The following PTPRD variants were observed in gnomAD, a reference collection of about 807,000 sequenced individuals.
PTPRD encodes the protein protein tyrosine phosphatase receptor type D.
In PTPRD, 34 loss-of-function variants were observed where a neutral mutation model predicts 214.5. That is an observed-to-expected ratio of 0.16 (90% CI 0.12 to 0.21). The LOEUF (loss-of-function observed/expected upper bound fraction) is 0.21. Among genes scored for constraint, PTPRD ranks in the 10% least tolerant of loss-of-function variants. The pLI, the probability that PTPRD is intolerant of heterozygous loss-of-function variation, is 1.00. For synonymous variants in PTPRD, 1,128 were observed against 845.7 expected, an observed-to-expected ratio of 1.33 and a Z score of -5.79; for missense variants, 2,545 against 2,398.7, an observed-to-expected ratio of 1.06 and a Z score of -1.27.
chr9:9,941,660 G>A (rs2091481834), intron 4 of PTPRD, among the ~76,000 whole-genome samples: 1 of 152,138 alleles, frequency 6.6e-6, no homozygotes, highest in African/African-American at 2.4e-5. Flanking sequence ...CACAATGTAA[G>A]GAAAGGGTTC....
At chr9:8,564,275 C>G (rs188683817) in intron 14 of PTPRD, among the ~76,000 whole-genome samples, 1 of 152,234 alleles carries the variant, frequency 6.6e-6, no homozygotes, top group South Asian at 2.1e-4. Context: ...ACATATTAAA[C>G]GCATTTTTGA....
intron 2 of PTPRD, among the ~76,000 whole-genome samples, chr9:10,573,595 G>A (rs1326350253): frequency 2.0e-5 from 3 of 152,132 alleles, no homozygotes; most frequent in Non-Finnish European, 4.4e-5. Flanking sequence ...GGAAGGCATT[G>A]AGAGCAGATG....
intron 8 of PTPRD, among the ~76,000 whole-genome samples, chr9:9,570,656 A>C (rs2086087402): frequency 6.6e-6 from 1 of 151,542 alleles, no homozygotes; most frequent in Non-Finnish European, 1.5e-5. Flanking sequence ...TTTGTGTTTT[A>C]CCTTTGTTCT....
rs542817331 is a variant in PTPRD, at chr9:9,052,943, C to T, written c.-142-34208G>A. On this transcript the variant is annotated intron_variant, in intron 10 of 45. Transcript: ENST00000381196. ...TAACTATCTACAGCAAATAATTTTACGTACTGAAACATTCTGGCTAACTTA... is the reference window on the plus strand; with the variant it reads ...TAACTATCTACAGCAAATAATTTTATGTACTGAAACATTCTGGCTAACTTA... Among the ~76,000 whole-genome samples, 15 of 152,250 alleles carry T rather than the reference C, an allele frequency of 9.9e-5. No individual in the cohort carries two copies. The South Asian group carries it at 1.2e-3, about 13-fold the overall frequency.
intron 12 of PTPRD, among the ~76,000 whole-genome samples, chr9:8,689,022 T>C (rs939189364): frequency 6.6e-6 from 1 of 152,180 alleles, no homozygotes; most frequent in African/African-American, 2.4e-5. Context: ...AAGAGGCTCT[T>C]CAAAATTATG....
At chr9:10,392,401 G>C (rs1362223543) in intron 2 of PTPRD, among the ~76,000 whole-genome samples, 1 of 151,834 alleles carries the variant, frequency 6.6e-6, no homozygotes, top group Non-Finnish European at 1.5e-5. Context: ...AAGAATCAAA[G>C]GGAGTCAGCC....
chr9:10,555,537 C>T (rs949476381), intron 2 of PTPRD, among the ~76,000 whole-genome samples: 1 of 152,166 alleles, frequency 6.6e-6, no homozygotes, highest in Non-Finnish European at 1.5e-5. Context: ...CCTTTCCCCA[C>T]CTCCAAAACT....
At chr9:10,549,457 T>C (rs2060842621) in intron 2 of PTPRD, among the ~76,000 whole-genome samples, 1 of 152,192 alleles carries the variant, frequency 6.6e-6, no homozygotes, top group African/African-American at 2.4e-5. Context: ...TCCCCCATCC[T>C]TGCAAGACAA....
At chr9:9,817,634 T>C (rs2049194987) in intron 5 of PTPRD, among the ~76,000 whole-genome samples, 1 of 152,142 alleles carries the variant, frequency 6.6e-6, no homozygotes, top group Non-Finnish European at 1.5e-5. Flanking sequence ...TTTCATCTTA[T>C]TTACATTATT....
At chr9:9,987,832 A>C (rs1002315658) in intron 4 of PTPRD, among the ~76,000 whole-genome samples, 4 of 152,264 alleles carry the variant, frequency 2.6e-5, no homozygotes, top group African/African-American at 9.6e-5. Context: ...GCTAGTTGCA[A>C]ATTGGATGAA....
At chr9:10,521,123 T>C (rs1488999036) in intron 2 of PTPRD, among the ~76,000 whole-genome samples, 2 of 151,986 alleles carry the variant, frequency 1.3e-5, no homozygotes, top group Non-Finnish European at 2.9e-5. Flanking sequence ...CCGGAAAGGA[T>C]TCACCATTCT....
chr9:8,718,413 A>T (rs2098458777), intron 12 of PTPRD, among the ~76,000 whole-genome samples: 1 of 152,164 alleles, frequency 6.6e-6, no homozygotes, highest in African/African-American at 2.4e-5. Flanking sequence ...AATGAAAAAG[A>T]AGTATGTGTT....
chr9:10,449,815 G>C (rs1212465269), intron 2 of PTPRD, among the ~76,000 whole-genome samples: 1 of 151,758 alleles, frequency 6.6e-6, no homozygotes, highest in Non-Finnish European at 1.5e-5. Flanking sequence ...GGAAATGTGG[G>C]GAAAAGAAAG....
chr9:8,692,493 C>T (rs947737859), intron 12 of PTPRD, among the ~76,000 whole-genome samples: 21 of 152,196 alleles, frequency 1.4e-4, no homozygotes, highest in Admixed American at 1.2e-3. Context: ...ATTGCCTCAT[C>T]TTTCCTAGCT....
chr9:9,697,461 T>A (rs571815232), intron 7 of PTPRD, among the ~76,000 whole-genome samples: 1 of 152,214 alleles, frequency 6.6e-6, no homozygotes, highest in South Asian at 2.1e-4. Context: ...TAATTTTTGT[T>A]TCAGAGTTTT....
At chr9:9,334,659 T>C (rs1193774305) in intron 9 of PTPRD, among the ~76,000 whole-genome samples, 1 of 152,004 alleles carries the variant, frequency 6.6e-6, no homozygotes, top group African/African-American at 2.4e-5. Context: ...ATGTTACCTT[T>C]TTCATTGGTA....
chr9:10,043,960 TTA>T (rs1250706608), intron 3 of PTPRD, among the ~76,000 whole-genome samples: 1 of 151,904 alleles, frequency 6.6e-6, no homozygotes, highest in Non-Finnish European at 1.5e-5. Flanking sequence ...CTATTTTTTA[TTA>T]TTTGTAACAC....
intron 9 of PTPRD, among the ~76,000 whole-genome samples, chr9:9,232,484 C>T (rs7042564): frequency 6.6e-6 from 1 of 151,860 alleles, no homozygotes; most frequent in African/African-American, 2.4e-5. Context: ...TACAAGTACA[C>T]GATTCCATCA....
intron 4 of PTPRD, among the ~76,000 whole-genome samples, chr9:9,970,462 G>GAAAAAGA (rs536995239): frequency 2.0e-4 from 29 of 144,514 alleles, no homozygotes; most frequent in South Asian, 6.6e-4. Context: ...AAAAGAAAAA[G>GAAAAAGA]AAAAAAAAAA....
Sources: allele counts gnomAD v4.1 joint callset (sites outside exome capture counted in the v4.1 genomes callset), GRCh38; gene constraint gnomAD v4.1.1; transcripts MANE v1.5; gene names NCBI Gene and HGNC (gene_info 2026-07-23, HGNC 2026-07-21).